GBP7: variants seen among roughly 807,000 people sequenced by gnomAD.
The protein encoded by GBP7 is guanylate-binding protein 7.
GBP7 carries 43 observed loss-of-function variants against 61.3 expected under a neutral mutation model. The ratio of observed to expected loss-of-function variants is 0.70; its 90% CI spans 0.55 to 0.91. GBP7 has a LOEUF of 0.91. Ranked by LOEUF, GBP7 falls within the 40% of genes least tolerant of loss-of-function variation. The pLI is 0.00. For synonymous variants in GBP7, 267 were observed against 271.0 expected (o/e 0.99, Z 0.14); for missense variants, 717 against 740.5 (o/e 0.97, Z 0.37).
chr1:89,151,993 T>C (rs771568806), intron 5 of GBP7, among the ~76,000 whole-genome samples: 1 of 152,246 alleles, frequency 6.6e-6, no homozygotes, highest in South Asian at 2.1e-4. Context: ...ATACTAATTG[T>C]AATCCTCAAT....
chr1:89,151,049 CTT>C (rs1384971067), intron 5 of GBP7, among the ~76,000 whole-genome samples: 2 of 151,964 alleles, frequency 1.3e-5, no homozygotes, highest in East Asian at 3.9e-4. Flanking sequence ...CTTTTCTTCC[CTT>C]TTTTTGTGGT....
chr1:89,147,311 C>G (rs1292143642), intron 8 of GBP7, among the ~76,000 whole-genome samples: 1 of 152,164 alleles, frequency 6.6e-6, no homozygotes, highest in Non-Finnish European at 1.5e-5. Context: ...CAAAAACTAT[C>G]ACATTATTTG....
Position 89,141,538 on chromosome 1 carries a change from C to G in GBP7, c.1468+8G>C. The G allele has an allele frequency of 6.2e-7, 1 of 1,612,642 alleles. No homozygotes were observed. The highest frequency in any genetic ancestry group is 8.5e-7 in the Non-Finnish European group (1 of 1,178,884). ...CATTTGCCTGAGAGCTGAGCCCTGCCCCTGTACCTGCTATGGCCTTCTCTC... is the reference window on the plus strand; with the variant it reads ...CATTTGCCTGAGAGCTGAGCCCTGCGCCTGTACCTGCTATGGCCTTCTCTC... On this transcript the variant is annotated splice_region_variant and intron_variant, in intron 9 of 10. Transcript: ENST00000294671.
At chr1:89,161,290 G>A (rs960008495) in intron 3 of GBP7, among the ~76,000 whole-genome samples, 11 of 152,156 alleles carry the variant, frequency 7.2e-5, no homozygotes, top group African/African-American at 1.9e-4. Flanking sequence ...TACATACCCA[G>A]TAATGGCATT....
At position 89,169,263 on chromosome 1, in the gene GBP7, T is replaced by A. The variant is rs554126986; in HGVS notation, c.190+2483A>T. ...GCTTGTGTATGTATTTATGTTTGCA[T>A]GTTTTGTGTATGTAATAATTTTCCC... is the stretch of plus-strand genomic sequence containing the variant. On this transcript the variant is annotated intron_variant, in intron 2 of 10. Transcript: ENST00000294671. 9.8e-5 allele frequency among the ~76,000 whole-genome samples: 15 copies of A among 152,336 alleles called. No homozygotes were observed. In the East Asian group the frequency reaches 2.5e-3, roughly 25 times the overall value.
intron 7 of GBP7, among the ~76,000 whole-genome samples, chr1:89,148,294 G>C (rs1682113368): frequency 6.6e-6 from 1 of 152,190 alleles, no homozygotes. Context: ...AGGGATTTCT[G>C]TCACTTGTGG....
At chr1:89,137,229 A>ATCT (rs1445911351) in intron 9 of GBP7, among the ~76,000 whole-genome samples, 1 of 152,072 alleles carries the variant, frequency 6.6e-6, no homozygotes, top group African/African-American at 2.4e-5. Flanking sequence ...ATACATAGAA[A>ATCT]GAAGAGCTGG....
At chr1:89,146,498 G>T (rs1682067310) in intron 8 of GBP7, among the ~76,000 whole-genome samples, 1 of 152,022 alleles carries the variant, frequency 6.6e-6, no homozygotes, top group African/African-American at 2.4e-5. Flanking sequence ...GCAACATACA[G>T]AATAGAACAT....
At position 89,151,974 on chromosome 1, in the gene GBP7, G is replaced by T. The variant is rs115146861; in HGVS notation, c.625+294C>A. On this transcript the variant is annotated intron_variant, in intron 5 of 10. Transcript: ENST00000294671. ...AGTAACACAAATATATGAGTCTTAG[G>T]ATGTGATAATACTAATTGTAATCCT... Among the ~76,000 whole-genome samples, 875 of 152,264 alleles carry T rather than the reference G, an allele frequency of 5.7e-3. 5 individuals are homozygous for T. Among genetic ancestry groups the T allele is most frequent in the Non-Finnish European group, 8.7e-3 (591 of 68,004 alleles).
At chr1:89,175,596 T>C (rs1343486432) in intron 1 of GBP7, among the ~76,000 whole-genome samples, 1 of 152,194 alleles carries the variant, frequency 6.6e-6, no homozygotes, top group Non-Finnish European at 1.5e-5. Context: ...CCTAGAGCTA[T>C]AAATGTTGGG....
At chr1:89,147,375 T>G (rs879789612) in intron 8 of GBP7, among the ~76,000 whole-genome samples, 192 bp downstream of exon 8, 3 of 152,154 alleles carry the variant, frequency 2.0e-5, no homozygotes, top group Non-Finnish European at 4.4e-5. Context: ...AAATCCTCTT[T>G]GGGAAAAAAA....
At chr1:89,144,589 T>G (rs1682023390) in intron 8 of GBP7, among the ~76,000 whole-genome samples, 1 of 152,192 alleles carries the variant, frequency 6.6e-6, no homozygotes. Context: ...TCTAATTTTG[T>G]TTTACAAGTT....
chr1:89,150,076 A>T (rs1682157383), intron 6 of GBP7, among the ~76,000 whole-genome samples: 1 of 152,208 alleles, frequency 6.6e-6, no homozygotes, highest in Non-Finnish European at 1.5e-5. Flanking sequence ...CTTTGTTTAT[A>T]AGATTACGCT....
Position 89,133,254 on chromosome 1 carries a change from T to G in GBP7, c.1662+4A>C. On this transcript the variant is annotated splice_donor_region_variant and intron_variant, in intron 10 of 10. Transcript: ENST00000294671. Reference sequence around the variant, plus strand: ...AAGCACTGCCAAGCTTCATCCAGACTCACCTTCATCTTGTGACTCAACATC... The same window carrying G: ...AAGCACTGCCAAGCTTCATCCAGACGCACCTTCATCTTGTGACTCAACATC... 1.2e-6 allele frequency: 2 copies of G among 1,612,132 alleles called. No homozygotes were observed. Among genetic ancestry groups the G allele is most frequent in the Middle Eastern group, 1.7e-4 (1 of 6,052 alleles).
At chr1:89,141,803 T>C (rs6658235) in intron 8 of GBP7, among the ~76,000 whole-genome samples, 155 bp from the exon 9 acceptor site, 112,099 of 151,704 alleles carry the variant, frequency 0.74, 41,711 homozygotes, top group African/African-American at 0.82. Flanking sequence ...ACAGCCACAA[T>C]AAAAAGTCCA....
chr1:89,162,535 AGTTT>A (rs1427356008), intron 3 of GBP7, among the ~76,000 whole-genome samples: 1 of 152,028 alleles, frequency 6.6e-6, no homozygotes, highest in Admixed American at 6.6e-5. Context: ...TATGAATGGG[AGTTT>A]GTTCCTGATT....
chr1:89,132,321 A>T lies in GBP7; in HGVS notation c.1745T>A (p.Ile582Asn), dbSNP rs1177016833. 1.9e-6 allele frequency: 3 copies of T among 1,613,834 alleles called. No homozygotes were observed. In the South Asian group the frequency reaches 3.3e-5, roughly 18 times the overall value. ...GGGCTCTTCATTTTCAGCTGCTTCA[A>T]TTTGTTCTTTCAGTCGATTAATCTC... ...NEEINRLKEQ[I>N]EAAENEEPSV... Residue 582 changes from isoleucine to asparagine, a missense_variant, in exon 11 of 11, where the codon ATT becomes AAT. By Grantham distance (149) the Ile-to-Asn change is moderately radical. Around this residue, in one of 3 missense-constraint regions of GBP7, gnomAD observed 312 missense variants for 310.1 expected, o/e 1.01. Transcript: ENST00000294671.
chr1:89,158,089 A>G (rs1224882389), intron 3 of GBP7, among the ~76,000 whole-genome samples: 1 of 152,234 alleles, frequency 6.6e-6, no homozygotes, highest in Non-Finnish European at 1.5e-5. Context: ...TCCATCATGT[A>G]AACAGAACCA....
chr1:89,171,731 G>C lies in GBP7; in HGVS notation c.190+15C>G. 1.2e-6 allele frequency: 2 copies of C among 1,608,624 alleles called. No individual in the cohort carries two copies. The highest frequency in any genetic ancestry group is 1.7e-6 in the Non-Finnish European group (2 of 1,177,306). On this transcript the variant is annotated intron_variant, in intron 2 of 10. Coordinates refer to ENST00000294671, the MANE Select transcript of GBP7 (RefSeq NM_207398.3). ...GACAGATGGGGCTCATCCATGCTTT[G>C]CTGGTGCCACTCACCTTTGTTCTTC...
Sources: gnomAD v4.1 joint callset for allele counts (sites outside exome capture counted in the v4.1 genomes callset) on GRCh38, gnomAD v4.1.1 for gene constraint, gnomAD v4.1.1 regional missense constraint, MANE v1.5 for transcripts, NCBI Gene and HGNC (gene_info 2026-07-23, HGNC 2026-07-21) for gene names.